ARHGAP26: variants seen among roughly 807,000 people sequenced by gnomAD.
ARHGAP26 encodes the protein Rho GTPase activating protein 26.
ARHGAP26 carries 38 observed loss-of-function variants against 104.8 expected under a neutral mutation model. That is an observed-to-expected ratio of 0.36 (90% CI 0.28 to 0.48). The LOEUF is 0.48. ARHGAP26 is among the 20% of genes least tolerant of loss of function. The probability of loss-of-function intolerance (pLI) is 0.99; values close to 1 mark genes in which losing one functional copy is unlikely to be tolerated. For synonymous variants in ARHGAP26, 341 were observed against 340.0 expected, an observed-to-expected ratio of 1.00 and a Z score of -0.03; for missense variants, 704 against 947.9, an observed-to-expected ratio of 0.74 and a Z score of 3.38.
intron 7 of ARHGAP26, 60 bp downstream of exon 7, chr5:142,902,099 T>G: frequency 6.9e-7 from 1 of 1,442,372 alleles, no homozygotes; most frequent in Non-Finnish European, 9.7e-7. Context: ...AATATGGGCC[T>G]GATTGCCCTA....
chr5:142,888,591 T>G (rs1014745463), intron 5 of ARHGAP26, among the ~76,000 whole-genome samples: 12 of 152,354 alleles, frequency 7.9e-5, no homozygotes, highest in African/African-American at 2.9e-4. Flanking sequence ...GTTCCCTGAT[T>G]GCAGGGTTCT....
intron 11 of ARHGAP26, among the ~76,000 whole-genome samples, chr5:142,966,208 C>T (rs1771298913): frequency 6.6e-6 from 1 of 152,146 alleles, no homozygotes; most frequent in Non-Finnish European, 1.5e-5. Context: ...GCATTTATAA[C>T]GTACTGTAGG....
chr5:142,980,542 C>T (rs1170023153), intron 11 of ARHGAP26, among the ~76,000 whole-genome samples: 1 of 151,948 alleles, frequency 6.6e-6, no homozygotes. Context: ...GTGCCCACCA[C>T]CACACCCAGC....
intron 1 of ARHGAP26, among the ~76,000 whole-genome samples, chr5:142,797,496 A>T (rs534101877): frequency 6.6e-6 from 1 of 152,304 alleles, no homozygotes; most frequent in African/African-American, 2.4e-5. Context: ...TGCTTAGGAG[A>T]TAAGTGATGC....
At chr5:143,208,180 C>A (rs1457448617) in intron 21 of ARHGAP26, among the ~76,000 whole-genome samples, 1 of 144,760 alleles carries the variant, frequency 6.9e-6, no homozygotes, top group Non-Finnish European at 1.5e-5. Context: ...CTCTTGTGCT[C>A]TTTGGGAAAA....
intron 20 of ARHGAP26, among the ~76,000 whole-genome samples, chr5:143,183,719 G>C (rs1417937464): frequency 6.6e-6 from 1 of 152,204 alleles, no homozygotes; most frequent in African/African-American, 2.4e-5. Context: ...AGGCGTACCA[G>C]GGGAATGGCT....
At chr5:143,074,798 CT>C (rs1161885210) in intron 17 of ARHGAP26, among the ~76,000 whole-genome samples, 1 of 152,250 alleles carries the variant, frequency 6.6e-6, no homozygotes, top group Admixed American at 6.5e-5. Flanking sequence ...GACTTGCTAA[CT>C]CATTCAGCAG....
chr5:142,884,343 G>A (rs1328535704), intron 4 of ARHGAP26, among the ~76,000 whole-genome samples: 1 of 152,204 alleles, frequency 6.6e-6, no homozygotes, highest in African/African-American at 2.4e-5. Flanking sequence ...AGTCAAATGG[G>A]AGATAGAAAT....
At chr5:143,178,463 C>T (rs1026612416) in intron 20 of ARHGAP26, among the ~76,000 whole-genome samples, 3 of 152,178 alleles carry the variant, frequency 2.0e-5, no homozygotes, top group Non-Finnish European at 4.4e-5. Flanking sequence ...GACTGCAGTT[C>T]CTTCCACATG....
intron 4 of ARHGAP26, among the ~76,000 whole-genome samples, chr5:142,881,422 G>A (rs1473246984): frequency 2.0e-5 from 3 of 152,122 alleles, no homozygotes; most frequent in Non-Finnish European, 4.4e-5. Context: ...CCCCCGGGGC[G>A]GCGGCTGGGG....
chr5:143,109,957 G>T (rs1461960857), intron 17 of ARHGAP26, among the ~76,000 whole-genome samples: 7 of 152,116 alleles, frequency 4.6e-5, no homozygotes, highest in South Asian at 2.1e-4. Context: ...TTATGTCTCT[G>T]ACTTTTCCTG....
At chr5:143,139,447 T>C (rs1798265314) in intron 19 of ARHGAP26, among the ~76,000 whole-genome samples, 1 of 152,194 alleles carries the variant, frequency 6.6e-6, no homozygotes, top group East Asian at 1.9e-4. Context: ...AAGGGTACCT[T>C]TGTCAGTTCT....
At chr5:143,032,782 C>A (rs1782067710) in intron 12 of ARHGAP26, among the ~76,000 whole-genome samples, 1 of 152,138 alleles carries the variant, frequency 6.6e-6, no homozygotes, top group Non-Finnish European at 1.5e-5. Flanking sequence ...GTAATCTAAT[C>A]AGCAGGAAAC....
At chr5:143,093,040 G>A (rs1791694827) in intron 17 of ARHGAP26, among the ~76,000 whole-genome samples, 3 of 152,174 alleles carry the variant, frequency 2.0e-5, no homozygotes, top group African/African-American at 7.2e-5. Context: ...CCCCTGTTAG[G>A]AAACCTGCTG....
intron 1 of ARHGAP26, among the ~76,000 whole-genome samples, chr5:142,805,878 C>G (rs1762894692): frequency 6.6e-6 from 1 of 152,172 alleles, no homozygotes; most frequent in Admixed American, 6.5e-5. Context: ...ATTTTTTAAC[C>G]TTCCAGTGGC....
At chr5:142,772,738 C>T (rs1755476330) in intron 1 of ARHGAP26, 1 of 533,248 alleles carries the variant, frequency 1.9e-6, no homozygotes, top group African/African-American at 1.9e-5. Flanking sequence ...GAGTCCCTGC[C>T]AGTGCAGAGC....
At chr5:143,207,128 C>G in intron 20 of ARHGAP26, 70 bp from the exon 21 acceptor site, 1 of 1,560,234 alleles carries the variant, frequency 6.4e-7, no homozygotes, top group Non-Finnish European at 8.7e-7. Context: ...TCTGGCCTCC[C>G]ATGACCTCCT....
At position 143,054,506 on chromosome 5, in the gene ARHGAP26, T is replaced by C; in HGVS notation, c.1353T>C (p.Ser451=). Residue 451 remains serine (S), a synonymous_variant, in exon 15 of 23, where the codon AGT becomes AGC. Coordinates refer to ENST00000645722, the MANE Select transcript of ARHGAP26 (RefSeq NM_001135608.3). ...CAEWEIKTIT[S]ALKTYLRMLP... ...AATGGGAGATAAAGACCATCACTAG[T>C]GCTCTGAAGACCTACCTAAGGTAGG... The C allele has an allele frequency of 1.2e-6, 2 of 1,613,004 alleles. No individual in the cohort carries two copies. Among genetic ancestry groups the C allele is most frequent in the South Asian group, 1.1e-5 (1 of 90,990 alleles).
At chr5:142,847,602 C>A (rs1772279896) in intron 1 of ARHGAP26, among the ~76,000 whole-genome samples, 1 of 152,228 alleles carries the variant, frequency 6.6e-6, no homozygotes. Context: ...GGTGATCCGC[C>A]CACCTCGGCC....
Sources: gnomAD v4.1 joint callset for allele counts (sites outside exome capture counted in the v4.1 genomes callset) on GRCh38, gnomAD v4.1.1 for gene constraint, MANE v1.5 for transcripts, NCBI Gene and HGNC (gene_info 2026-07-23, HGNC 2026-07-21) for gene names.